Variants in ADGRG5 observed in about 807,000 individuals in gnomAD.
ADGRG5 encodes the protein G protein-coupled receptor 114.
In ADGRG5, 37 loss-of-function variants were observed where a neutral mutation model predicts 53.2. That is an observed-to-expected ratio of 0.70 (90% confidence interval 0.53 to 0.91). ADGRG5 has a LOEUF of 0.91. Ranked by LOEUF, ADGRG5 falls within the 40% of genes least tolerant of loss-of-function variation. ADGRG5 has a pLI of 0.00. For missense variants in ADGRG5, 614 were observed against 675.8 expected (o/e 0.91, Z 1.01); for synonymous variants, 277 against 290.4 (o/e 0.95, Z 0.47).
intron 6 of ADGRG5, 137 bp downstream of exon 6, chr16:57,565,287 AATAAG>A: frequency 1.5e-6 from 1 of 660,628 alleles, no homozygotes; most frequent in Non-Finnish European, 2.7e-6. Context: ...CTGCTCAAGA[AATAAG>A]AGAGAGAGAA....
chr16:57,555,473 C>T (rs565407787), intron 1 of ADGRG5, among the ~76,000 whole-genome samples: 3 of 152,294 alleles, frequency 2.0e-5, no homozygotes, highest in African/African-American at 4.8e-5. Context: ...GGTATTTCTT[C>T]ATAGCAGCAT....
intron 1 of ADGRG5, among the ~76,000 whole-genome samples, chr16:57,554,641 G>A (rs1275843562): frequency 6.6e-6 from 1 of 152,132 alleles, no homozygotes; most frequent in Non-Finnish European, 1.5e-5. Context: ...CTCCCAAAGT[G>A]CTGGGATTAC....
Position 57,566,612 on chromosome 16 carries a change from T to C in ADGRG5, c.560T>C (p.Leu187Pro), listed in dbSNP as rs201048573. The C allele has an allele frequency of 1.9e-6, 3 of 1,553,634 alleles. No homozygotes were observed. Among genetic ancestry groups the C allele is most frequent in the East Asian group, 2.4e-5 (1 of 41,792 alleles). The change falls in exon 7 of 12, where the codon CTG becomes CCG. Residue 187 changes from leucine (L) to proline (P), a missense_variant. Transcript: ENST00000349457. The part of the protein sequence containing the change: ...WHNQSLEGYT[L>P]TCVFWKEGAR... ...ATCTCCACCCAGGAAGGCTACACCC[T>C]GACCTGTGTCTTCTGGAAGGAGGGA...
Position 57,567,889 on chromosome 16 carries a change from G to A in ADGRG5, c.855G>A (p.Met285Ile). The A allele has an allele frequency of 1.2e-6, 2 of 1,612,664 alleles. No homozygotes were observed. Among genetic ancestry groups the A allele is most frequent in the Non-Finnish European group, 1.7e-6 (2 of 1,179,844 alleles). ...GTGACTCCTTAACACGCATCCACAT[G>A]AACCTGCATGCCTCCGTGCTGCTCC... is the stretch of plus-strand genomic sequence containing the variant. ...KQSDSLTRIH[M>I]NLHASVLLLN... is the part of the protein sequence containing the mutation. The change falls in exon 9 of 12, where the codon ATG becomes ATA. Residue 285 changes from methionine (M) to isoleucine (I), a missense_variant. Met to Ile is a conservative substitution (Grantham distance 10). Transcript: ENST00000349457.
chr16:57,531,872 G>GCTC, the ADGRG5 span, among the ~76,000 whole-genome samples: 4 of 151,900 alleles, frequency 2.6e-5, no homozygotes, highest in Non-Finnish European at 5.9e-5. Context: ...CTTCAACTAT[G>GCTC]GAGCCAGGCA....
At chr16:57,559,783 A>G (rs1435831270) in intron 1 of ADGRG5, among the ~76,000 whole-genome samples, 2 of 151,602 alleles carry the variant, frequency 1.3e-5, no homozygotes, top group Non-Finnish European at 2.9e-5. Context: ...TGGCTTTCCC[A>G]TTGTTATGAT....
In ADGRG5 at chr16:57,575,741, C is replaced by T; in HGVS notation, c.*203C>T. 1 of 558,788 alleles carries T rather than the reference C, an allele frequency of 1.8e-6. No individual in the cohort carries two copies. Among genetic ancestry groups the T allele is most frequent in the Non-Finnish European group, 3.2e-6 (1 of 311,054 alleles). The allele number at this position is 558,788 out of a possible 1,614,324, so 34.6% of individuals were successfully genotyped here. On this transcript the variant is annotated 3_prime_UTR_variant, in exon 12 of 12. Coordinates refer to ENST00000349457, the MANE Select transcript of ADGRG5 (RefSeq NM_001304376.3). The stretch of plus-strand genomic sequence containing the variant: ...CTCTCCCTGACATTTTGCTCCGGGG[C>T]AGATCCAACCTTACCTGGGGCAGCA...
At chr16:57,554,662 C>T (rs1356500724) in intron 1 of ADGRG5, among the ~76,000 whole-genome samples, 1 of 152,176 alleles carries the variant, frequency 6.6e-6, no homozygotes, top group Non-Finnish European at 1.5e-5. Flanking sequence ...AGGTGTGAGC[C>T]ACCACGCTCG....
At chr16:57,553,472 AAATT>A (rs1237787469) in intron 1 of ADGRG5, among the ~76,000 whole-genome samples, 3 of 152,228 alleles carry the variant, frequency 2.0e-5, no homozygotes, top group Non-Finnish European at 4.4e-5. Context: ...TCTTTGTCAA[AAATT>A]AATCGACAAA....
upstream of ADGRG5, among the ~76,000 whole-genome samples, chr16:57,537,910 A>T (rs1192406682): frequency 6.8e-6 from 1 of 147,054 alleles, no homozygotes; most frequent in African/African-American, 2.7e-5. Context: ...AAGGGCATCC[A>T]CATTTTACAG....
At chr16:57,559,276 G>A (rs2032949931) in intron 1 of ADGRG5, among the ~76,000 whole-genome samples, 1 of 152,198 alleles carries the variant, frequency 6.6e-6, no homozygotes, top group African/African-American at 2.4e-5. Context: ...TTAAATCAAA[G>A]CAAAGCCAGG....
chr16:57,536,521 TC>T, the ADGRG5 span: 1 of 152,130 alleles, frequency 6.6e-6, no homozygotes, highest in Non-Finnish European at 1.5e-5. Flanking sequence ...ACTTGCGGGC[TC>T]CGTACGTCCC....
At chr16:57,543,183 CCTG>C (rs1367348140) in intron 1 of ADGRG5, 2 of 152,048 alleles carry the variant, frequency 1.3e-5, no homozygotes, top group Non-Finnish European at 2.9e-5. Context: ...GGTAAATGGA[CCTG>C]CTGCTGGCTT....
chr16:57,546,518 A>G (rs368162584), intron 1 of ADGRG5, among the ~76,000 whole-genome samples: 5 of 152,366 alleles, frequency 3.3e-5, no homozygotes, highest in African/African-American at 1.2e-4. Flanking sequence ...TATTGTACAT[A>G]TATAAAACTA....
At chr16:57,570,594 C>A in intron 10 of ADGRG5, 59 bp downstream of exon 10, 1 of 1,214,650 alleles carries the variant, frequency 8.2e-7, no homozygotes, top group Non-Finnish European at 1.2e-6. Flanking sequence ...CCACATGGGC[C>A]TGGGGCTCCA....
chr16:57,539,886 TA>T (rs1187725205), upstream of ADGRG5, among the ~76,000 whole-genome samples: 1 of 152,062 alleles, frequency 6.6e-6, no homozygotes, highest in Non-Finnish European at 1.5e-5. Context: ...TGAAGTCTAA[TA>T]AAAGATTGAA....
chr16:57,534,270 C>T, the ADGRG5 span, among the ~76,000 whole-genome samples: 88 of 152,262 alleles, frequency 5.8e-4, no homozygotes, highest in Middle Eastern at 3.4e-3. Context: ...GACACTTGTG[C>T]CACTTAGAGC....
chr16:57,560,740 G>A (rs1200050838), intron 1 of ADGRG5, among the ~76,000 whole-genome samples: 1 of 152,206 alleles, frequency 6.6e-6, no homozygotes, highest in African/African-American at 2.4e-5. Context: ...TGGGGACTGA[G>A]TTGGGCATTT....
chr16:57,564,993 C>T (rs2033097264), intron 5 of ADGRG5, 41 bp from the exon 6 acceptor site: 1 of 1,229,444 alleles, frequency 8.1e-7, no homozygotes, highest in African/African-American at 1.5e-5. Flanking sequence ...AGGGCCTCCC[C>T]ATTTCCCCTC....
Sources: allele counts gnomAD v4.1 joint callset (sites outside exome capture counted in the v4.1 genomes callset), GRCh38; gene constraint gnomAD v4.1.1; transcripts MANE v1.5; gene names NCBI Gene and HGNC (gene_info 2026-07-23, HGNC 2026-07-21).